Variants in ZNF397 observed in about 807,000 individuals in gnomAD.
ZNF397 encodes zinc finger and SCAN domain-containing protein 15.
A neutral mutation model predicts 50.6 loss-of-function variants in ZNF397; 38 were observed. The observed-to-expected ratio is 0.75, with a 90% CI of 0.58 to 0.98. The LOEUF is 0.98. Ranked by LOEUF, ZNF397 falls within the 50% of genes least tolerant of loss-of-function variation. The pLI, the probability that ZNF397 is intolerant of heterozygous loss-of-function variation, is 0.00. For missense variants in ZNF397, 624 were observed against 624.1 expected, an observed-to-expected ratio of 1.00 and a Z score of 0.00; for synonymous variants, 228 against 215.2, an observed-to-expected ratio of 1.06 and a Z score of -0.52.
Position 35,246,495 on chromosome 18 carries a change from A to T in ZNF397, c.*185A>T, listed in dbSNP as rs754010631. 1.0e-5 allele frequency: 14 copies of T among 1,402,082 alleles called. No homozygotes were observed. The highest frequency in any genetic ancestry group is 3.3e-5 in the Admixed American group (1 of 30,268). 86.9% of individuals were successfully genotyped at this position (1,402,082 alleles called of 1,614,324 possible). A position where few individuals can be genotyped will look rare whatever the true frequency, so the allele number is the denominator to read the frequency against. On this transcript the variant is annotated 3_prime_UTR_variant, in exon 4 of 4. Coordinates refer to ENST00000330501, the MANE Select transcript of ZNF397 (RefSeq NM_001135178.3). ...CCCTTGAAAGCTTTTCCTGTGACTA[A>T]TCAGAACAGAATACAGAAGAATCAT... is the stretch of plus-strand genomic sequence containing the variant.
rs2043529779 is a variant in ZNF397, at chr18:35,249,184, G to C, written c.*2874G>C. 1 of 152,132 alleles carries C rather than the reference G, an allele frequency of 6.6e-6. No homozygotes were observed. The highest frequency in any genetic ancestry group is 1.5e-5 in the Non-Finnish European group (1 of 68,022). 9.4% of individuals were successfully genotyped at this position (152,132 alleles called of 1,614,324 possible). ...ACACTTTTCCTTATAAAACAGACAG[G>C]GATTCAGGGACATTGGGACTCTAAT... On this transcript the variant is annotated 3_prime_UTR_variant, in exon 4 of 4. Coordinates refer to ENST00000330501, the MANE Select transcript of ZNF397 (RefSeq NM_001135178.3).
chr18:35,242,300 C>T, intron 1 of ZNF397, 91 bp from the exon 2 acceptor site: 1 of 583,006 alleles, frequency 1.7e-6, no homozygotes, highest in Non-Finnish European at 2.9e-6. Context: ...TACTCCCTTT[C>T]AATATATTAC....
In ZNF397 at chr18:35,257,981, T is replaced by G. The variant is rs374738187; in HGVS notation, c.*43T>G. On this transcript the variant is annotated 3_prime_UTR_variant, in exon 6 of 6. Transcript: ENST00000261333. ...AATCACCTGCACCCAAATCTCCATC[T>G]CAGGCGCTACTTCTGGCAAGGCATA... is the stretch of plus-strand genomic sequence containing the variant. The G allele has an allele frequency of 9.0e-6, 7 of 780,890 alleles. No individual in the cohort carries two copies. The East Asian group carries it at 1.2e-4, about 14-fold the overall frequency. 48.4% of individuals were successfully genotyped at this position (780,890 alleles called of 1,614,324 possible).
intron 3 of ZNF397, chr18:35,243,773 G>C (rs1018741925): frequency 9.0e-6 from 2 of 221,870 alleles, no homozygotes; most frequent in Admixed American, 1.1e-4. Flanking sequence ...AAATAGGTGG[G>C]AGGAGGAGTA....
chr18:35,241,524 A>G (rs1463835551), intron 1 of ZNF397: 3 of 152,254 alleles, frequency 2.0e-5, no homozygotes, highest in Non-Finnish European at 4.4e-5. Context: ...TCGCCATCCT[A>G]AAAGCAGGTC....
intron 3 of ZNF397, chr18:35,244,028 G>C (rs1912739108): frequency 6.4e-6 from 1 of 155,086 alleles, no homozygotes; most frequent in Non-Finnish European, 1.5e-5. Context: ...TTGCAGTTTA[G>C]AAGTTAGCTG....
Position 35,245,858 on chromosome 18 carries a change from A to G in ZNF397, c.1153A>G (p.Ile385Val), listed in dbSNP as rs1048024877. The change falls in exon 4 of 4, where the codon ATT becomes GTT. Residue 385 changes from isoleucine (I) to valine (V), a missense_variant. Ile to Val is a conservative substitution (Grantham distance 29, BLOSUM62 3). Transcript: ENST00000330501. ...GKAFSQSSYL[I>V]IHQRIHTGEK... ...AGCATTCAGTCAAAGTTCATATCTCATTATACATCAAAGAATTCACACTGG... is the reference window on the plus strand; with the variant it reads ...AGCATTCAGTCAAAGTTCATATCTCGTTATACATCAAAGAATTCACACTGG... 2.6e-6 allele frequency: 4 copies of G among 1,552,874 alleles called. No individual in the cohort carries two copies. Among genetic ancestry groups the G allele is most frequent in the East Asian group, 2.4e-5 (1 of 40,994 alleles).
At chr18:35,253,244 T>G (rs1438411386), downstream of ZNF397, 4 of 450,386 alleles carry the variant, frequency 8.9e-6, no homozygotes, top group Non-Finnish European at 1.6e-5. Flanking sequence ...CTACCATTCT[T>G]TTTGGAGAAG....
downstream of ZNF397, among the ~76,000 whole-genome samples, chr18:35,254,795 G>T (rs1360148987): frequency 6.6e-6 from 1 of 152,190 alleles, no homozygotes; most frequent in African/African-American, 2.4e-5. Context: ...TAAATCTGTG[G>T]TCTTCTATCA....
At chr18:35,258,123 T>G in exon 6 of ZNF397, 1 of 661,732 alleles carries the variant, frequency 1.5e-6, no homozygotes, top group Non-Finnish European at 2.7e-6. Flanking sequence ...CCTCATGACC[T>G]AGGTGAAAGC....
rs1343972258 is a variant in ZNF397, at chr18:35,247,331, C to T, written c.*1021C>T. 2 of 204,824 alleles carry T rather than the reference C, an allele frequency of 9.8e-6. No individual in the cohort carries two copies. Among genetic ancestry groups the T allele is most frequent in the Non-Finnish European group, 1.7e-5 (2 of 116,352 alleles). The allele number at this position is 204,824 out of a possible 1,614,324, so 12.7% of individuals were successfully genotyped here. On this transcript the variant is annotated 3_prime_UTR_variant, in exon 4 of 4. Coordinates refer to ENST00000330501, the MANE Select transcript of ZNF397 (RefSeq NM_001135178.3). The stretch of plus-strand genomic sequence containing the variant: ...TTTCCTTGCCCAACCTGTAGGCTAT[C>T]CTAGAACTTCCATGAGGGTGGTGGT...
exon 6 of ZNF397, chr18:35,258,232 C>T (rs1159069794): frequency 2.0e-6 from 1 of 491,994 alleles, no homozygotes; most frequent in Non-Finnish European, 3.7e-6. Flanking sequence ...CCAGTCAAGG[C>T]CATTCATGGC....
downstream of ZNF397, chr18:35,252,294 TCA>T (rs2043626157): frequency 6.6e-6 from 1 of 152,126 alleles, no homozygotes; most frequent in African/African-American, 2.4e-5. Flanking sequence ...AGAATGCATA[TCA>T]GAGGCTAGAG....
downstream of ZNF397, chr18:35,254,335 A>T: frequency 6.2e-7 from 1 of 1,613,924 alleles, no homozygotes; most frequent in Non-Finnish European, 8.5e-7. Context: ...CACATTCAAC[A>T]ATTTCTTGCT....
intron 5 of ZNF397, chr18:35,256,182 G>A (rs1430214401): frequency 6.6e-6 from 1 of 152,366 alleles, no homozygotes; most frequent in African/African-American, 2.4e-5. Flanking sequence ...ATTTTTATTT[G>A]TTCAACTATA....
At chr18:35,254,216 C>T (rs1434249671), downstream of ZNF397, 1 of 1,614,150 alleles carries the variant, frequency 6.2e-7, no homozygotes, top group East Asian at 2.2e-5. Context: ...TGCAGCATTT[C>T]CCTTTTGCTT....
At chr18:35,254,312 G>A (rs1394193499), downstream of ZNF397, 1 of 1,614,122 alleles carries the variant, frequency 6.2e-7, no homozygotes, top group East Asian at 2.2e-5. Flanking sequence ...CGATATCATA[G>A]CTGCTGAGGC....
Position 35,245,995 on chromosome 18 carries a change from TG to T in ZNF397, c.1292del (p.Gly431GlufsTer10). ...AGAGACCCTATGAATGTAATGAATG[TG>T]GAAAAGCTTTCAGGCAGAGCTCAGA... Reference protein sequence around the residue: ...GERPYECNECGKAFRQSSELI... With the variant: ...GERPYECNECXKAFRQSSELI... On this transcript the variant is annotated frameshift_variant, in exon 4 of 4. Transcript: ENST00000330501. LOFTEE classifies it high-confidence loss of function. 1 of 1,578,976 alleles carries T rather than the reference TG, an allele frequency of 6.3e-7. No homozygotes were observed. The highest frequency in any genetic ancestry group is 8.6e-7 in the Non-Finnish European group (1 of 1,162,306).
Position 35,242,792 on chromosome 18 carries a change from A to G in ZNF397, c.322A>G (p.Ile108Val), listed in dbSNP as rs1339361110. 6.2e-6 allele frequency: 10 copies of G among 1,614,072 alleles called. No homozygotes were observed. In the East Asian group the frequency reaches 1.8e-4, roughly 29 times the overall value. ...GAGCATTCTGCCTGAGGAGCTGCAG[A>G]TCTGGGTTCAGCAACATAATCCAGA... ...FLSILPEELQ[I>V]WVQQHNPESG... The change falls in exon 2 of 4, where the codon ATC (isoleucine) becomes GTC (valine). Residue 108 changes from isoleucine to valine, a missense_variant. By Grantham distance (29) the Ile-to-Val change is conservative. Coordinates refer to ENST00000330501, the MANE Select transcript of ZNF397 (RefSeq NM_001135178.3).
Sources: allele counts gnomAD v4.1 joint callset (sites outside exome capture counted in the v4.1 genomes callset), GRCh38; gene constraint gnomAD v4.1.1; transcripts MANE v1.5; gene names NCBI Gene and HGNC (gene_info 2026-07-23, HGNC 2026-07-21).